Variants in FGF12 observed in about 807,000 individuals in gnomAD.
FGF12 encodes the protein fibroblast growth factor 12B.
FGF12 carries 14 observed loss-of-function variants against 23.6 expected under a neutral mutation model. The observed-to-expected ratio is 0.59, with a 90% CI of 0.39 to 0.93. FGF12 has a LOEUF of 0.93. FGF12 is among the 40% of genes least tolerant of loss of function. The pLI, the probability that FGF12 is intolerant of heterozygous loss-of-function variation, is 0.00. For missense variants in FGF12, 175 were observed against 217.8 expected (o/e 0.80, Z 1.24); for synonymous variants, 62 against 77.3 (o/e 0.80, Z 1.04).
At chr3:192,180,847 G>A (rs1226114721) in intron 4 of FGF12, among the ~76,000 whole-genome samples, 2 of 152,150 alleles carry the variant, frequency 1.3e-5, no homozygotes, top group Non-Finnish European at 2.9e-5. Context: ...TTGAGAGAAG[G>A]CAGATACACA....
intron 5 of FGF12, among the ~76,000 whole-genome samples, chr3:192,148,813 G>A (rs572487015): frequency 3.9e-4 from 60 of 152,302 alleles, no homozygotes; most frequent in African/African-American, 1.4e-3. Context: ...GAGGTACAGG[G>A]CGAGGAAAAG....
At chr3:192,275,930 C>T (rs1478602152) in intron 4 of FGF12, among the ~76,000 whole-genome samples, 1 of 152,152 alleles carries the variant, frequency 6.6e-6, no homozygotes, top group Non-Finnish European at 1.5e-5. Flanking sequence ...GATTGGAACC[C>T]CTTTCCCTGT....
At chr3:192,397,224 C>T (rs1432327952) in intron 2 of FGF12, among the ~76,000 whole-genome samples, 3 of 152,192 alleles carry the variant, frequency 2.0e-5, no homozygotes, top group Non-Finnish European at 1.5e-5. Flanking sequence ...GCGGCCTGGC[C>T]ACAATGCTGC....
intron 3 of FGF12, among the ~76,000 whole-genome samples, chr3:192,335,960 T>C (rs1560075337): frequency 6.6e-6 from 1 of 152,054 alleles, no homozygotes; most frequent in Non-Finnish European, 1.5e-5. Context: ...ATGCAAAAAT[T>C]ACTGACTTAT....
chr3:192,680,619 G>A (rs1205922271), intron 2 of FGF12, among the ~76,000 whole-genome samples: 2 of 152,196 alleles, frequency 1.3e-5, no homozygotes, highest in Non-Finnish European at 2.9e-5. Flanking sequence ...AATAGGAAAC[G>A]TGAGAGGCAT....
At chr3:192,158,367 T>TTTCTTTCTTTCTTTCTTTCTTTCTTTC (rs1553844108) in intron 5 of FGF12, among the ~76,000 whole-genome samples, 3,178 of 122,346 alleles carry the variant, frequency 0.026, 88 homozygotes, top group East Asian at 0.04. Flanking sequence ...TCTTTCTTTC[T>TTTCTTTCTTTCTTTCTTTCTTTCTTTC]TTCTTTCTTT....
chr3:192,690,353 A>G (rs1717902504), intron 2 of FGF12, among the ~76,000 whole-genome samples: 1 of 152,006 alleles, frequency 6.6e-6, no homozygotes, highest in East Asian at 1.9e-4. Context: ...AGCTACATTA[A>G]CTTGTTAATG....
chr3:192,438,211 TCTAA>T (rs1270571859), intron 2 of FGF12, among the ~76,000 whole-genome samples: 1 of 152,234 alleles, frequency 6.6e-6, no homozygotes, highest in Non-Finnish European at 1.5e-5. Flanking sequence ...CATCTCTGAT[TCTAA>T]CTGAGTATTA....
chr3:192,139,599 G>C lies in FGF12; in HGVS notation c.*4410C>G, dbSNP rs1203103425. The C allele has an allele frequency of 6.6e-6, 1 of 151,964 alleles. No homozygotes were observed. The highest frequency in any genetic ancestry group is 1.5e-5 in the Non-Finnish European group (1 of 67,938). 9.4% of individuals were successfully genotyped at this position (151,964 alleles called of 1,614,324 possible). On this transcript the variant is annotated 3_prime_UTR_variant, in exon 6 of 6. Transcript: ENST00000445105. ...AAATGAATGTCACTGTCTTTAAATT[G>C]TACTTGGAGCAAAGACAAAGAAACA...
chr3:192,434,720 C>A (rs931383197), intron 2 of FGF12, among the ~76,000 whole-genome samples: 8 of 152,080 alleles, frequency 5.3e-5, no homozygotes, highest in African/African-American at 1.9e-4. Context: ...CCATAAGGAG[C>A]AGTTGTGCTA....
chr3:192,719,801 AAAAG>A lies in FGF12; in HGVS notation c.13+7376_13+7379del, dbSNP rs1301029782. Among the ~76,000 whole-genome samples the A allele has an allele frequency of 4.6e-3, 600 of 131,178 alleles. 3 individuals are homozygous for A. The highest frequency in any genetic ancestry group is 0.015 in the South Asian group (58 of 3,954). 86.1% of individuals were successfully genotyped at this position (131,178 alleles called of 152,430 possible). ...AGACTAAGGGCAAAAAAAAAAAAAA[AAAAG>A]AAAAACAAGAAAAACAACCCAACAC... On this transcript the variant is annotated intron_variant, in intron 2 of 5. Coordinates refer to ENST00000445105, the MANE Select transcript of FGF12 (RefSeq NM_004113.6).
At chr3:192,435,419 A>G (rs1305366961) in intron 2 of FGF12, among the ~76,000 whole-genome samples, 4 of 152,224 alleles carry the variant, frequency 2.6e-5, no homozygotes, top group African/African-American at 9.6e-5. Context: ...GAGCCTGGCC[A>G]TCTGGCTTCT....
At chr3:192,289,610 A>G (rs192717219) in intron 4 of FGF12, among the ~76,000 whole-genome samples, 177 of 152,212 alleles carry the variant, frequency 1.2e-3, no homozygotes, top group Admixed American at 2.1e-3. Flanking sequence ...AGAGCAAACA[A>G]TCCAGAGTGG....
At chr3:192,337,937 G>A (rs1234180071) in intron 3 of FGF12, among the ~76,000 whole-genome samples, 2 of 152,114 alleles carry the variant, frequency 1.3e-5, no homozygotes, top group Admixed American at 6.5e-5. Context: ...AATTTTCAAA[G>A]TGCTGATACA....
chr3:192,351,062 A>G (rs1718197576), intron 3 of FGF12, among the ~76,000 whole-genome samples: 1 of 152,348 alleles, frequency 6.6e-6, no homozygotes, highest in African/African-American at 2.4e-5. Flanking sequence ...CTGTGTTCCA[A>G]TTCAATGCAA....
Position 192,408,652 on chromosome 3 carries a change from G to C in FGF12, c.14-48114C>G. 9.7e-7 allele frequency: 1 copy of C among 1,029,404 alleles called. No homozygotes were observed. The highest frequency in any genetic ancestry group is 1.2e-6 in the Non-Finnish European group (1 of 857,280). The allele number at this position is 1,029,404 out of a possible 1,614,324, so 63.8% of individuals were successfully genotyped here. A position where few individuals can be genotyped will look rare whatever the true frequency, so the allele number is the denominator to read the frequency against. ...CCTCTGTTGGAGAGGCGCAAGCGTT[G>C]TAAGGTGTCCAAAGTATACCTACAC... On this transcript the variant is annotated intron_variant, in intron 2 of 5. Coordinates refer to ENST00000445105, the MANE Select transcript of FGF12 (RefSeq NM_004113.6). The surrounding 1 kb of genome is among the most constrained non-coding windows in gnomAD (Gnocchi z 7.3).
intron 2 of FGF12, among the ~76,000 whole-genome samples, chr3:192,466,009 T>A (rs371603711): frequency 6.6e-6 from 1 of 152,164 alleles, no homozygotes; most frequent in African/African-American, 2.4e-5. Flanking sequence ...AGGCGATCGC[T>A]ACTGTGAGCA....
intron 4 of FGF12, among the ~76,000 whole-genome samples, chr3:192,276,988 G>C (rs1172026183): frequency 6.6e-6 from 1 of 152,106 alleles, no homozygotes; most frequent in African/African-American, 2.4e-5. Context: ...TCCATACTTT[G>C]TTAAACCTAA....
intron 2 of FGF12, among the ~76,000 whole-genome samples, chr3:192,379,735 CT>C (rs1719737682): frequency 6.6e-6 from 1 of 152,372 alleles, no homozygotes; most frequent in African/African-American, 2.4e-5. Context: ...AGTCACCACA[CT>C]TTGGAAGCAA....
Sources: allele counts gnomAD v4.1 joint callset (sites outside exome capture counted in the v4.1 genomes callset), GRCh38; gene constraint gnomAD v4.1.1; non-coding constraint Gnocchi (gnomAD v3.1); transcripts MANE v1.5; gene names NCBI Gene and HGNC (gene_info 2026-07-23, HGNC 2026-07-21).